Variants in ATRNL1 observed in about 807,000 individuals in gnomAD.
The protein encoded by ATRNL1 is attractin-like protein 1.
In ATRNL1, 95 loss-of-function variants were observed where a neutral mutation model predicts 182.7. That is an observed-to-expected ratio of 0.52 (90% CI 0.44 to 0.62). ATRNL1 has a LOEUF of 0.62. Ranked by LOEUF, ATRNL1 falls within the 20% of genes least tolerant of loss-of-function variation. The probability of loss-of-function intolerance (pLI) is 0.00; values close to 1 mark genes in which losing one functional copy is unlikely to be tolerated. For missense variants in ATRNL1, 1,471 were observed against 1,679.5 expected (o/e 0.88, Z 2.17); for synonymous variants, 576 against 568.3 (o/e 1.01, Z -0.19).
At chr10:115,311,371 G>A (rs1854016202) in intron 17 of ATRNL1, among the ~76,000 whole-genome samples, 1 of 151,908 alleles carries the variant, frequency 6.6e-6, no homozygotes, top group South Asian at 2.1e-4. Context: ...TGTATTTTTA[G>A]TAGAAACCGG....
chr10:115,125,398 A>G (rs781994749), intron 3 of ATRNL1, among the ~76,000 whole-genome samples: 8 of 152,116 alleles, frequency 5.3e-5, no homozygotes, highest in Non-Finnish European at 1.2e-4. Flanking sequence ...AATCACTGTA[A>G]TATTGCTTGC....
At chr10:115,707,552 A>C (rs1555053399) in intron 26 of ATRNL1, among the ~76,000 whole-genome samples, 2 of 151,514 alleles carry the variant, frequency 1.3e-5, no homozygotes, top group African/African-American at 4.8e-5. Context: ...TCCAAATCTT[A>C]TTTGTATTTT....
intron 26 of ATRNL1, among the ~76,000 whole-genome samples, chr10:115,559,414 TTGTGTGTGTG>T (rs138709567): frequency 2.6e-4 from 38 of 147,558 alleles, no homozygotes; most frequent in African/African-American, 4.7e-4. Context: ...TTCTTGGTGT[TTGTGTGTGTG>T]TGTGTGTGTG....
In ATRNL1 at chr10:115,274,199, G is replaced by A. The variant is rs896217514; in HGVS notation, c.2100+5755G>A. Reference sequence around the variant, plus strand: ...ACCATTGCACCTGCAGGATCATGTAGCCCAACTGGCAGAGCTTGTATAGTA... The same window carrying A: ...ACCATTGCACCTGCAGGATCATGTAACCCAACTGGCAGAGCTTGTATAGTA... On this transcript the variant is annotated intron_variant, in intron 13 of 28. Transcript: ENST00000355044. Among the ~76,000 whole-genome samples the A allele has an allele frequency of 2.6e-5, 4 of 152,138 alleles. No individual in the cohort carries two copies. In the East Asian group the frequency reaches 7.7e-4, roughly 29 times the overall value.
At chr10:115,369,567 A>C (rs1180976484) in intron 19 of ATRNL1, among the ~76,000 whole-genome samples, 2 of 152,114 alleles carry the variant, frequency 1.3e-5, no homozygotes, top group East Asian at 3.9e-4. Flanking sequence ...AATTGATTTC[A>C]TTTTCCTTGG....
chr10:115,507,260 C>T (rs1850160517), intron 24 of ATRNL1, among the ~76,000 whole-genome samples: 1 of 152,006 alleles, frequency 6.6e-6, no homozygotes, highest in African/African-American at 2.4e-5. Context: ...AGCAGGTTGG[C>T]TCTAGGCAGT....
At chr10:115,913,850 A>G (rs1952760874) in intron 28 of ATRNL1, among the ~76,000 whole-genome samples, 1 of 152,070 alleles carries the variant, frequency 6.6e-6, no homozygotes, top group Non-Finnish European at 1.5e-5. Context: ...ACCCTGATGT[A>G]GGTTTTGGGA....
chr10:115,476,649 T>C (rs1186093104), intron 24 of ATRNL1, among the ~76,000 whole-genome samples: 2 of 151,394 alleles, frequency 1.3e-5, no homozygotes, highest in African/African-American at 4.8e-5. Context: ...TTATTAAATC[T>C]GCATGCCAAA....
chr10:115,438,300 T>G (rs1846504016), intron 21 of ATRNL1, among the ~76,000 whole-genome samples: 1 of 151,938 alleles, frequency 6.6e-6, no homozygotes, highest in Non-Finnish European at 1.5e-5. Flanking sequence ...CCTTGATGAT[T>G]TTTTTTATCA....
chr10:115,871,199 G>A (rs1951571056), intron 28 of ATRNL1, among the ~76,000 whole-genome samples: 1 of 151,782 alleles, frequency 6.6e-6, no homozygotes, highest in Admixed American at 6.6e-5. Context: ...TTATACTGGG[G>A]ACAAGGACCA....
intron 9 of ATRNL1, among the ~76,000 whole-genome samples, chr10:115,240,194 T>C (rs1221582580): frequency 2.0e-5 from 3 of 152,094 alleles, no homozygotes; most frequent in African/African-American, 7.2e-5. Context: ...CTTTTCCTAG[T>C]GGGAGTGTTT....
At chr10:115,289,001 A>G (rs1321369714) in intron 15 of ATRNL1, among the ~76,000 whole-genome samples, 7 of 152,212 alleles carry the variant, frequency 4.6e-5, no homozygotes, top group African/African-American at 1.2e-4. Context: ...GCTGATAAAG[A>G]CATATCCGAG....
chr10:115,457,446 T>C (rs1364528890), intron 21 of ATRNL1, among the ~76,000 whole-genome samples: 1 of 152,094 alleles, frequency 6.6e-6, no homozygotes, highest in Non-Finnish European at 1.5e-5. Context: ...GGCTTTAGGC[T>C]GTCTTTGGCT....
intron 27 of ATRNL1, among the ~76,000 whole-genome samples, chr10:115,758,583 C>T (rs1948652605): frequency 6.6e-6 from 1 of 152,204 alleles, no homozygotes; most frequent in Non-Finnish European, 1.5e-5. Flanking sequence ...GGAGGTGTCT[C>T]CCAATCTGTA....
intron 26 of ATRNL1, among the ~76,000 whole-genome samples, chr10:115,692,919 C>T (rs1946438913): frequency 6.6e-6 from 1 of 151,938 alleles, no homozygotes; most frequent in South Asian, 2.1e-4. Flanking sequence ...CTTGTTTTTT[C>T]ATAACCTCTT....
At chr10:115,776,864 T>C (rs1480590749) in intron 27 of ATRNL1, among the ~76,000 whole-genome samples, 2 of 152,008 alleles carry the variant, frequency 1.3e-5, no homozygotes, top group Non-Finnish European at 2.9e-5. Flanking sequence ...ATCTTAAGAG[T>C]GCAGGAGAAG....
At chr10:115,284,680 C>T (rs1852523155) in intron 14 of ATRNL1, among the ~76,000 whole-genome samples, 1 of 152,054 alleles carries the variant, frequency 6.6e-6, no homozygotes, top group Admixed American at 6.6e-5. Context: ...TTAAAATTTT[C>T]CATTTGTTAT....
intron 9 of ATRNL1, among the ~76,000 whole-genome samples, chr10:115,220,755 C>T (rs1460494253): frequency 2.7e-5 from 4 of 149,214 alleles, no homozygotes; most frequent in African/African-American, 4.9e-5. Context: ...AGGCAGTGCC[C>T]GCATGGACTA....
chr10:115,731,765 C>T (rs1336865754), intron 27 of ATRNL1, among the ~76,000 whole-genome samples: 2 of 151,666 alleles, frequency 1.3e-5, no homozygotes, highest in East Asian at 1.9e-4. Context: ...CGAAAGAAAC[C>T]CTATGCCTTT....
Sources: allele counts gnomAD v4.1 joint callset (sites outside exome capture counted in the v4.1 genomes callset), GRCh38; gene constraint gnomAD v4.1.1; transcripts MANE v1.5; gene names NCBI Gene and HGNC (gene_info 2026-07-23, HGNC 2026-07-21).